The following CPPED1 variants were observed in gnomAD, a reference collection of about 807,000 sequenced individuals.
CPPED1 encodes the protein calcineurin like phosphoesterase domain containing 1, also known as serine/threonine-protein phosphatase CPPED1.
In CPPED1, 28 loss-of-function variants were observed where a neutral mutation model predicts 28.0. The observed-to-expected ratio is 1.00, with a 90% CI of 0.74 to 1.37. The LOEUF is 1.37. Among genes scored for constraint, CPPED1 ranks in the 40% most tolerant of loss-of-function variants. The pLI is 0.00. For synonymous variants in CPPED1, 198 were observed against 180.2 expected (o/e 1.10, Z -0.79); for missense variants, 504 against 416.5 (o/e 1.21, Z -1.83).
intron 2 of CPPED1, among the ~76,000 whole-genome samples, chr16:12,775,763 T>G (rs1028782979): frequency 6.6e-6 from 1 of 152,180 alleles, no homozygotes; most frequent in African/African-American, 2.4e-5. Context: ...GAACAAGAGT[T>G]CCCAGTTTAC....
rs776218503 is a variant in CPPED1, at chr16:12,803,740, C to T, written c.37G>A (p.Ala13Thr). 5.0e-6 allele frequency: 8 copies of T among 1,596,072 alleles called. No homozygotes were observed. In the South Asian group the frequency reaches 7.9e-5, roughly 16 times the overall value. The change falls in exon 1 of 4, where the codon GCC becomes ACC. Residue 13 changes from alanine (A) to threonine (T), a missense_variant. Transcript: ENST00000381774. ...AAEAGGVFHR[A>T]RGRTLAAFPA... ...AACGCGGCCAGGGTCCTGCCCCTGGCTCTGTGGAAAACACCCCCCGCCTCT... is the reference window on the plus strand; with the variant it reads ...AACGCGGCCAGGGTCCTGCCCCTGGTTCTGTGGAAAACACCCCCCGCCTCT...
At chr16:12,780,401 C>T (rs2080522934) in intron 2 of CPPED1, among the ~76,000 whole-genome samples, 1 of 152,108 alleles carries the variant, frequency 6.6e-6, no homozygotes, top group Non-Finnish European at 1.5e-5. Context: ...GTCTCGAACA[C>T]CTGAGCTCAA....
chr16:12,733,761 A>C (rs571733977), intron 2 of CPPED1, among the ~76,000 whole-genome samples: 182 of 152,330 alleles, frequency 1.2e-3, no homozygotes, highest in African/African-American at 4.1e-3. Context: ...CCACAAAATT[A>C]GCTCAACTCA....
At chr16:12,686,485 G>A (rs992232275) in intron 3 of CPPED1, among the ~76,000 whole-genome samples, 1 of 152,204 alleles carries the variant, frequency 6.6e-6, no homozygotes, top group Non-Finnish European at 1.5e-5. Flanking sequence ...GGGATTCAGT[G>A]AGACTCCATT....
At position 12,723,925 on chromosome 16, in the gene CPPED1, T is replaced by C. The variant is rs554413943; in HGVS notation, c.290-18876A>G. The stretch of plus-strand genomic sequence containing the variant: ...CCAGCTGCCTGACTCAGAGATCTGA[T>C]CCCTGACCACTCCCTTCCTGCCACC... On this transcript the variant is annotated intron_variant, in intron 2 of 3. Coordinates refer to ENST00000381774, the MANE Select transcript of CPPED1 (RefSeq NM_018340.3). 9.2e-5 allele frequency among the ~76,000 whole-genome samples: 14 copies of C among 152,238 alleles called. No individual in the cohort carries two copies. The East Asian group carries it at 1.5e-3, about 17-fold the overall frequency.
intron 2 of CPPED1, among the ~76,000 whole-genome samples, chr16:12,716,261 G>A (rs2141194562): frequency 6.6e-6 from 1 of 152,350 alleles, no homozygotes; most frequent in South Asian, 2.1e-4. Context: ...TAACGCTGGT[G>A]CTGCTATAAG....
intron 1 of CPPED1, among the ~76,000 whole-genome samples, chr16:12,794,563 C>A (rs1313583580): frequency 6.6e-6 from 1 of 150,388 alleles, no homozygotes; most frequent in Non-Finnish European, 1.5e-5. Flanking sequence ...TGCTTGGGAC[C>A]AGAAGAGTTT....
intron 2 of CPPED1, among the ~76,000 whole-genome samples, chr16:12,706,540 A>T (rs1596454039): frequency 1.7e-5 from 2 of 120,160 alleles, no homozygotes; most frequent in African/African-American, 6.5e-5. Context: ...TCCCAAGCTT[A>T]TGTATAATTT....
intron 2 of CPPED1, among the ~76,000 whole-genome samples, chr16:12,744,866 C>T (rs2141213185): frequency 6.6e-6 from 1 of 152,252 alleles, no homozygotes; most frequent in East Asian, 1.9e-4. Flanking sequence ...TGCCTATAAT[C>T]CCAGCTACTT....
At chr16:12,677,185 G>A (rs1403447991) in intron 3 of CPPED1, among the ~76,000 whole-genome samples, 2 of 152,210 alleles carry the variant, frequency 1.3e-5, no homozygotes, top group Non-Finnish European at 2.9e-5. Context: ...AGAAACTCCT[G>A]CACATTTCCC....
chr16:12,793,739 A>G (rs1452612527), intron 1 of CPPED1, among the ~76,000 whole-genome samples: 1 of 152,204 alleles, frequency 6.6e-6, no homozygotes, highest in Non-Finnish European at 1.5e-5. Context: ...AGACTCACCT[A>G]TCTCTTGGTT....
chr16:12,732,356 A>C (rs2080202993), intron 2 of CPPED1, among the ~76,000 whole-genome samples: 2 of 151,644 alleles, frequency 1.3e-5, no homozygotes, highest in South Asian at 2.1e-4. Context: ...AAGTGAAAAA[A>C]AAAAAAGGAA....
chr16:12,701,653 G>C lies in CPPED1; in HGVS notation c.715+2971C>G, dbSNP rs146378245. Reference sequence around the variant, plus strand: ...CAGTGAAGAGCTGGGCCGGACCTGGGGGTGGAGGGAAGCCTCATGCTTTGC... The same window carrying C: ...CAGTGAAGAGCTGGGCCGGACCTGGCGGTGGAGGGAAGCCTCATGCTTTGC... On this transcript the variant is annotated intron_variant, in intron 3 of 3. Transcript: ENST00000381774. 8.1e-3 allele frequency among the ~76,000 whole-genome samples: 1,233 copies of C among 152,302 alleles called. 11 individuals carry two copies. Among genetic ancestry groups the C allele is most frequent in the Middle Eastern group, 0.048 (14 of 294 alleles).
intron 2 of CPPED1, among the ~76,000 whole-genome samples, chr16:12,720,830 C>T (rs2080136148): frequency 6.6e-6 from 1 of 152,208 alleles, no homozygotes; most frequent in South Asian, 2.1e-4. Flanking sequence ...TACAGCTCAA[C>T]ACAAATAAAC....
At chr16:12,737,194 A>AAAT (rs917554980) in intron 2 of CPPED1, among the ~76,000 whole-genome samples, 10 of 152,060 alleles carry the variant, frequency 6.6e-5, no homozygotes, top group East Asian at 1.9e-4. Context: ...TGTCTCAAAA[A>AAAT]AATAATAATA....
intron 2 of CPPED1, among the ~76,000 whole-genome samples, chr16:12,738,938 A>G (rs1409488982): frequency 6.6e-6 from 1 of 152,114 alleles, no homozygotes; most frequent in Non-Finnish European, 1.5e-5. Flanking sequence ...AGTTAAATGA[A>G]GGAGTTTTCC....
At chr16:12,695,752 C>A (rs747341760) in intron 3 of CPPED1, among the ~76,000 whole-genome samples, 1 of 152,144 alleles carries the variant, frequency 6.6e-6, no homozygotes, top group South Asian at 2.1e-4. Context: ...TGTTTTTGTA[C>A]CTCACTTTCC....
At chr16:12,752,105 C>G (rs932208901) in intron 2 of CPPED1, among the ~76,000 whole-genome samples, 23 of 152,224 alleles carry the variant, frequency 1.5e-4, no homozygotes, top group Admixed American at 1.2e-3. Flanking sequence ...AAAGCTTCCT[C>G]GTAATAAACT....
At chr16:12,697,837 T>C (rs370146188) in intron 3 of CPPED1, among the ~76,000 whole-genome samples, 1 of 152,144 alleles carries the variant, frequency 6.6e-6, no homozygotes, top group African/African-American at 2.4e-5. Context: ...GTGGCCTGGG[T>C]GCAGTGGCTC....
Sources: allele counts gnomAD v4.1 joint callset (sites outside exome capture counted in the v4.1 genomes callset), GRCh38; gene constraint gnomAD v4.1.1; transcripts MANE v1.5; gene names NCBI Gene and HGNC (gene_info 2026-07-23, HGNC 2026-07-21).